The following SH3BP5 variants were observed in gnomAD, a reference collection of about 807,000 sequenced individuals.
The protein encoded by SH3BP5 is SH3 domain binding protein 5, also known as SH3 domain-binding protein 5.
A neutral mutation model predicts 43.3 loss-of-function variants in SH3BP5; 22 were observed. That is an observed-to-expected ratio of 0.51 (90% confidence interval 0.36 to 0.73). SH3BP5 has a LOEUF of 0.73. SH3BP5 is among the 30% of genes least tolerant of loss of function. The pLI, the probability that SH3BP5 is intolerant of heterozygous loss-of-function variation, is 0.00. For missense variants in SH3BP5, 529 were observed against 586.9 expected (o/e 0.90, Z 1.02); for synonymous variants, 255 against 225.8 (o/e 1.13, Z -1.16).
intron 3 of SH3BP5, among the ~76,000 whole-genome samples, chr3:15,292,835 C>T (rs1233116977): frequency 3.3e-5 from 5 of 152,074 alleles, no homozygotes; most frequent in African/African-American, 4.8e-5. Context: ...GCAACAAAAG[C>T]GAAATTCCAT....
At chr3:15,289,822 C>T (rs541994598) in intron 3 of SH3BP5, among the ~76,000 whole-genome samples, 2 of 152,198 alleles carry the variant, frequency 1.3e-5, no homozygotes, top group African/African-American at 4.8e-5. Context: ...CAATAAAGGG[C>T]CCACTGTAGA....
At chr3:15,273,692 G>A (rs571612905) in intron 3 of SH3BP5, among the ~76,000 whole-genome samples, 9 of 152,100 alleles carry the variant, frequency 5.9e-5, no homozygotes, top group Admixed American at 3.3e-4. Flanking sequence ...CTCTCTATTC[G>A]TTGTGGTCTC....
chr3:15,270,052 G>A (rs1696756370), intron 3 of SH3BP5, among the ~76,000 whole-genome samples, 175 bp from the exon 4 acceptor site: 1 of 152,202 alleles, frequency 6.6e-6, no homozygotes, highest in African/African-American at 2.4e-5. Flanking sequence ...ACCCCTGATG[G>A]GGGAGTGAGC....
In SH3BP5 at chr3:15,255,907, C is replaced by A. The variant is rs1048480396; in HGVS notation, c.*179G>T. 10 of 618,280 alleles carry A rather than the reference C, an allele frequency of 1.6e-5. No homozygotes were observed. The highest frequency in any genetic ancestry group is 2.8e-5 in the Non-Finnish European group (10 of 351,100). 38.3% of individuals were successfully genotyped at this position (618,280 alleles called of 1,614,324 possible). A position where few individuals can be genotyped will look rare whatever the true frequency, so the allele number is the denominator to read the frequency against. ...ACAACAAGAACTCTGCTCTGAAAAA[C>A]CAGCCCAAGAGCTCTTACCCAGAAG... is the stretch of plus-strand genomic sequence containing the variant. On this transcript the variant is annotated 3_prime_UTR_variant, in exon 9 of 9. Coordinates refer to ENST00000383791, the MANE Select transcript of SH3BP5 (RefSeq NM_004844.5).
At chr3:15,297,121 C>T (rs966499973) in intron 3 of SH3BP5, among the ~76,000 whole-genome samples, 7 of 152,208 alleles carry the variant, frequency 4.6e-5, no homozygotes, top group Non-Finnish European at 8.8e-5. Flanking sequence ...CGACCCATTT[C>T]ATTTCATTCA....
chr3:15,259,458 C>G (rs989177030), intron 6 of SH3BP5: 2 of 536,564 alleles, frequency 3.7e-6, no homozygotes, highest in Non-Finnish European at 6.7e-6. Flanking sequence ...CTAATTCAGT[C>G]GGTCTAGAGT....
At chr3:15,321,242 C>T (rs1410357763) in intron 2 of SH3BP5, among the ~76,000 whole-genome samples, 1 of 152,108 alleles carries the variant, frequency 6.6e-6, no homozygotes, top group Non-Finnish European at 1.5e-5. Flanking sequence ...GGAATGTTTT[C>T]CATTATATCT....
Position 15,303,786 on chromosome 3 carries a change from C to T in SH3BP5, c.330+317G>A, listed in dbSNP as rs1224046144. ...AGTGAGGCGAACGCGAGGCAGTAAG[C>T]GAATCTTCCTACTGCTGTCTGACAG... On this transcript the variant is annotated intron_variant, in intron 3 of 8. Transcript: ENST00000383791. 6.6e-5 allele frequency among the ~76,000 whole-genome samples: 10 copies of T among 152,030 alleles called. No homozygotes were observed. In the East Asian group the frequency reaches 7.7e-4, roughly 12 times the overall value.
chr3:15,265,187 G>C (rs1696588441), intron 4 of SH3BP5, among the ~76,000 whole-genome samples: 1 of 152,048 alleles, frequency 6.6e-6, no homozygotes, highest in Non-Finnish European at 1.5e-5. Flanking sequence ...ACCACATCCT[G>C]TCCCTATCTC....
chr3:15,302,804 TTTTC>T (rs1361719166), intron 3 of SH3BP5, among the ~76,000 whole-genome samples: 7 of 151,700 alleles, frequency 4.6e-5, no homozygotes, highest in Admixed American at 6.6e-5. Flanking sequence ...CTCTCTCATT[TTTTC>T]TTTCTTTTTT....
At chr3:15,272,725 T>TACAAAACAGAGTG (rs1575295425) in intron 3 of SH3BP5, among the ~76,000 whole-genome samples, 1 of 144,344 alleles carries the variant, frequency 6.9e-6, no homozygotes, top group Non-Finnish European at 1.5e-5. Flanking sequence ...TGTAGGAGAT[T>TACAAAACAGAGTG]CGATGATACC....
chr3:15,296,694 CTT>C (rs370273754), intron 3 of SH3BP5, among the ~76,000 whole-genome samples: 24 of 124,916 alleles, frequency 1.9e-4, no homozygotes, highest in South Asian at 2.5e-4. Context: ...AGTGTTTTTC[CTT>C]TTTTTTTTTT....
intron 3 of SH3BP5, among the ~76,000 whole-genome samples, chr3:15,290,012 C>A (rs889379455): frequency 6.6e-6 from 1 of 152,216 alleles, no homozygotes; most frequent in African/African-American, 2.4e-5. Context: ...CAAGCACTTT[C>A]TCTGGGGTGT....
chr3:15,324,925 A>T (rs1156729996), intron 2 of SH3BP5, among the ~76,000 whole-genome samples: 1 of 152,158 alleles, frequency 6.6e-6, no homozygotes, highest in African/African-American at 2.4e-5. Context: ...GGCAGAGATA[A>T]TGAGTGCTGG....
At chr3:15,261,244 T>C (rs985147159) in intron 5 of SH3BP5, among the ~76,000 whole-genome samples, 3 of 152,238 alleles carry the variant, frequency 2.0e-5, no homozygotes, top group Non-Finnish European at 4.4e-5. Context: ...AATGGTTAAA[T>C]GGTGTTCCTC....
chr3:15,262,543 G>A (rs1196761582), intron 4 of SH3BP5, among the ~76,000 whole-genome samples: 2 of 152,160 alleles, frequency 1.3e-5, no homozygotes, highest in Admixed American at 1.3e-4. Context: ...TGTAGTCCCA[G>A]CTACTCAGGA....
At chr3:15,332,691 A>G (rs1698648309), upstream of SH3BP5, 2 of 1,122,616 alleles carry the variant, frequency 1.8e-6, no homozygotes, top group Non-Finnish European at 2.2e-6. Context: ...CCAGCTATCC[A>G]GGTCTCCGTC....
At chr3:15,330,624 A>G (rs1032981479) in intron 1 of SH3BP5, 58 bp from the exon 2 acceptor site, 270 of 1,465,644 alleles carry the variant, frequency 1.8e-4, no homozygotes, top group South Asian at 1.8e-3. Flanking sequence ...TGTTTCCAAT[A>G]TAACTCAGTC....
At chr3:15,289,011 T>C (rs1008169482) in intron 3 of SH3BP5, among the ~76,000 whole-genome samples, 4 of 152,194 alleles carry the variant, frequency 2.6e-5, no homozygotes, top group Non-Finnish European at 4.4e-5. Context: ...GTAGTTACCA[T>C]AGATACGGAG....
Sources: allele counts gnomAD v4.1 joint callset (sites outside exome capture counted in the v4.1 genomes callset), GRCh38; gene constraint gnomAD v4.1.1; transcripts MANE v1.5; gene names NCBI Gene and HGNC (gene_info 2026-07-23, HGNC 2026-07-21).